ARHGAP26: variants seen among roughly 807,000 people sequenced by gnomAD.
The protein encoded by ARHGAP26 is rho GTPase-activating protein 26.
In ARHGAP26, 38 loss-of-function variants were observed where a neutral mutation model predicts 104.8. The ratio of observed to expected loss-of-function variants is 0.36; its 90% CI spans 0.28 to 0.48. The LOEUF is 0.48. ARHGAP26 is among the 20% of genes least tolerant of loss of function. The pLI, the probability that ARHGAP26 is intolerant of heterozygous loss-of-function variation, is 0.99. For missense variants in ARHGAP26, 704 were observed against 947.9 expected (o/e 0.74, Z 3.38); for synonymous variants, 341 against 340.0 (o/e 1.00, Z -0.03).
At chr5:142,778,234 G>A (rs1268292030) in intron 1 of ARHGAP26, among the ~76,000 whole-genome samples, 1 of 152,176 alleles carries the variant, frequency 6.6e-6, no homozygotes, top group African/African-American at 2.4e-5. Context: ...TGCTTGGGAA[G>A]GATTAGGTTT....
chr5:143,067,634 A>G (rs1787687833), intron 17 of ARHGAP26, among the ~76,000 whole-genome samples: 1 of 152,138 alleles, frequency 6.6e-6, no homozygotes. Flanking sequence ...ATAAGTCACT[A>G]TTCTTGATTC....
intron 12 of ARHGAP26, among the ~76,000 whole-genome samples, chr5:143,035,914 C>T (rs955901030): frequency 2.4e-5 from 3 of 126,182 alleles, no homozygotes; most frequent in Admixed American, 2.0e-4. Context: ...CCAGCTTGAG[C>T]GACAGAGTAA....
At chr5:142,941,995 T>A (rs1331372228) in intron 11 of ARHGAP26, among the ~76,000 whole-genome samples, 5 of 152,180 alleles carry the variant, frequency 3.3e-5, no homozygotes, top group Admixed American at 2.0e-4. Context: ...ATCGGTCACA[T>A]TAACAGAAAT....
intron 12 of ARHGAP26, among the ~76,000 whole-genome samples, chr5:143,018,730 A>G (rs1009773268): frequency 3.9e-5 from 6 of 152,154 alleles, no homozygotes; most frequent in African/African-American, 1.2e-4. Context: ...TGTTTTTAAT[A>G]ATAACTTTGA....
chr5:142,894,853 A>G (rs1450064365), intron 6 of ARHGAP26, among the ~76,000 whole-genome samples: 1 of 152,240 alleles, frequency 6.6e-6, no homozygotes, highest in Non-Finnish European at 1.5e-5. Context: ...TGGATTTCCC[A>G]CATGGATTTG....
At position 143,222,808 on chromosome 5, in the gene ARHGAP26, G is replaced by C; in HGVS notation, c.*362G>C. ...AGTCAGATAGAAATAGTCCCTGAGAGCACACTGTGTAGCTAAGCCTGCTGG... is the reference window on the plus strand; with the variant it reads ...AGTCAGATAGAAATAGTCCCTGAGACCACACTGTGTAGCTAAGCCTGCTGG... On this transcript the variant is annotated 3_prime_UTR_variant, in exon 23 of 23. Transcript: ENST00000645722. The C allele has an allele frequency of 4.2e-6, 1 of 240,236 alleles. No individual in the cohort carries two copies. The highest frequency in any genetic ancestry group is 8.2e-6 in the Non-Finnish European group (1 of 122,574). The allele number at this position is 240,236 out of a possible 1,614,324, so 14.9% of individuals were successfully genotyped here.
intron 1 of ARHGAP26, among the ~76,000 whole-genome samples, chr5:142,843,364 T>C (rs1419798109): frequency 6.6e-5 from 10 of 152,212 alleles, no homozygotes; most frequent in Non-Finnish European, 1.5e-4. Context: ...GGACATGGGC[T>C]CATTGAAGCA....
At chr5:142,773,725 G>A (rs556408654) in intron 1 of ARHGAP26, among the ~76,000 whole-genome samples, 115 of 152,318 alleles carry the variant, frequency 7.5e-4, no homozygotes, top group Non-Finnish European at 1.4e-3. Flanking sequence ...GGCTGAATAT[G>A]TCTTGGCTTT....
chr5:142,834,474 G>C (rs1431402912), intron 1 of ARHGAP26, among the ~76,000 whole-genome samples: 1 of 152,162 alleles, frequency 6.6e-6, no homozygotes, highest in East Asian at 1.9e-4. Context: ...ATCTATTATG[G>C]TATAACAAAT....
intron 1 of ARHGAP26, among the ~76,000 whole-genome samples, chr5:142,811,561 C>G (rs1007051708): frequency 6.6e-6 from 1 of 152,170 alleles, no homozygotes; most frequent in African/African-American, 2.4e-5. Context: ...AGCCACTGTT[C>G]TAGGCTCTAA....
At chr5:143,163,432 G>GGTTT (rs368136971) in intron 20 of ARHGAP26, among the ~76,000 whole-genome samples, 17,274 of 150,642 alleles carry the variant, frequency 0.11, 1,891 homozygotes, top group African/African-American at 0.29. Flanking sequence ...AGGAGTTCTA[G>GGTTT]GTTTGTTTGT....
chr5:143,180,909 A>T (rs1040665144), intron 20 of ARHGAP26, among the ~76,000 whole-genome samples: 1 of 152,204 alleles, frequency 6.6e-6, no homozygotes, highest in Non-Finnish European at 1.5e-5. Flanking sequence ...ACTGTTACAC[A>T]TGAATGGTTC....
chr5:143,062,562 T>A lies in ARHGAP26; in HGVS notation c.1538+4815T>A, dbSNP rs1276528342. Reference sequence around the variant, plus strand: ...TTGGTTCCTGTGACTTGAGTCTGAGTACTTCCAGGCATCTCTGCAAATCAA... The same window carrying A: ...TTGGTTCCTGTGACTTGAGTCTGAGAACTTCCAGGCATCTCTGCAAATCAA... On this transcript the variant is annotated intron_variant, in intron 17 of 22. Coordinates refer to ENST00000645722, the MANE Select transcript of ARHGAP26 (RefSeq NM_001135608.3). Among the ~76,000 whole-genome samples, 50 of 147,180 alleles carry A rather than the reference T, an allele frequency of 3.4e-4. 1 individual carries two copies. Among genetic ancestry groups the A allele is most frequent in the Non-Finnish European group, 1.0e-4 (7 of 67,326 alleles).
chr5:142,875,501 A>G (rs1364503479), intron 3 of ARHGAP26, among the ~76,000 whole-genome samples: 2 of 152,112 alleles, frequency 1.3e-5, no homozygotes, highest in African/African-American at 4.8e-5. Context: ...ATGGGAAAGA[A>G]GGTGCCCCAC....
chr5:143,149,393 G>A lies in ARHGAP26; in HGVS notation c.1988+2012G>A, dbSNP rs564425613. 5.9e-5 allele frequency among the ~76,000 whole-genome samples: 9 copies of A among 152,206 alleles called. No homozygotes were observed. The East Asian group carries it at 1.2e-3, about 20-fold the overall frequency. ...TACCAGCATCAGCCCTGATACCAGCGTCTGCCATGGCCCTGAGTGAGAGCC... is the reference window on the plus strand; with the variant it reads ...TACCAGCATCAGCCCTGATACCAGCATCTGCCATGGCCCTGAGTGAGAGCC... On this transcript the variant is annotated intron_variant, in intron 20 of 22. Coordinates refer to ENST00000645722, the MANE Select transcript of ARHGAP26 (RefSeq NM_001135608.3).
At chr5:142,972,603 A>G (rs1399778108) in intron 11 of ARHGAP26, among the ~76,000 whole-genome samples, 4 of 152,242 alleles carry the variant, frequency 2.6e-5, no homozygotes, top group African/African-American at 7.2e-5. Flanking sequence ...AGCAGTTACT[A>G]TAGTGAGACA....
chr5:143,202,278 A>G (rs1239107604), intron 20 of ARHGAP26: 1 of 143,364 alleles, frequency 7.0e-6, no homozygotes, highest in Non-Finnish European at 1.5e-5. Flanking sequence ...TTTTTTTTCC[A>G]TTTGCTTGGT....
chr5:143,093,637 C>T (rs551419147), intron 17 of ARHGAP26, among the ~76,000 whole-genome samples: 1 of 151,746 alleles, frequency 6.6e-6, no homozygotes, highest in Non-Finnish European at 1.5e-5. Flanking sequence ...TCTCTCTCTG[C>T]CTCTTTCTCT....
At chr5:143,017,566 A>G (rs570819203) in intron 12 of ARHGAP26, among the ~76,000 whole-genome samples, 1 of 152,050 alleles carries the variant, frequency 6.6e-6, no homozygotes, top group East Asian at 1.9e-4. Context: ...TCTTTTTTCT[A>G]AAATGTGTGT....
Sources: gnomAD v4.1 joint callset for allele counts (sites outside exome capture counted in the v4.1 genomes callset) on GRCh38, gnomAD v4.1.1 for gene constraint, MANE v1.5 for transcripts, NCBI Gene and HGNC (gene_info 2026-07-23, HGNC 2026-07-21) for gene names.